Variants in BAZ2B observed in about 807,000 individuals in gnomAD.
BAZ2B encodes bromodomain adjacent to zinc finger domain 2B.
In BAZ2B, 91 loss-of-function variants were observed where a neutral mutation model predicts 246.0. The observed-to-expected ratio is 0.37, with a 90% CI of 0.31 to 0.44. The LOEUF (loss-of-function observed/expected upper bound fraction) is 0.44. BAZ2B is among the 20% of genes least tolerant of loss of function. The pLI is 1.00. For missense variants in BAZ2B, 2,332 were observed against 2,533.7 expected (o/e 0.92, Z 1.71); for synonymous variants, 855 against 860.0 (o/e 0.99, Z 0.10).
chr2:159,641,317 T>G, the BAZ2B span, among the ~76,000 whole-genome samples: 1 of 152,330 alleles, frequency 6.6e-6, no homozygotes, highest in East Asian at 1.9e-4. Context: ...TAATTATCTG[T>G]GATGTTAAGC....
chr2:159,448,437 A>G (rs761708871), intron 4 of BAZ2B, 28 bp from the exon 5 acceptor site: 1 of 1,517,916 alleles, frequency 6.6e-7, no homozygotes. Context: ...CAACCAAACA[A>G]AAATATATAA....
chr2:159,462,506 A>G (rs2076530649), intron 3 of BAZ2B: 3 of 990,546 alleles, frequency 3.0e-6, no homozygotes, highest in South Asian at 1.3e-5. Context: ...GGTATCTGAC[A>G]TTGTTTGACA....
Position 159,325,815 on chromosome 2 carries a change from T to A in BAZ2B, c.6047A>T (p.Asp2016Val). Residue 2016 changes from aspartate to valine, a missense_variant, in exon 35 of 37, where the codon GAT becomes GTT. This residue lies in a region of BAZ2B where 210 missense variants were observed against 232.5 expected (regional missense o/e 0.90). Coordinates refer to ENST00000392783, the MANE Select transcript of BAZ2B (RefSeq NM_013450.4). The stretch of plus-strand genomic sequence containing the variant: ...ACTACTTGTAGATGCAGAGTCTTCA[T>A]CTTCAGTATCTCCTGTTAAAGTTAC... The part of the protein sequence containing the change: ...KKVTLTGDTE[D>V]EDSASTSSSL... 1 of 1,610,242 alleles carries A rather than the reference T, an allele frequency of 6.2e-7. No homozygotes were observed.
intron 14 of BAZ2B, among the ~76,000 whole-genome samples, chr2:159,407,532 G>A (rs1328771845): frequency 6.6e-6 from 1 of 152,122 alleles, no homozygotes; most frequent in East Asian, 1.9e-4. Flanking sequence ...AAATCTTTAA[G>A]CAAAGTTTAA....
chr2:159,660,425 T>C, the BAZ2B span, among the ~76,000 whole-genome samples: 1 of 152,214 alleles, frequency 6.6e-6, no homozygotes, highest in Non-Finnish European at 1.5e-5. Context: ...AACATTAATC[T>C]GTGACTTCTT....
chr2:159,389,228 A>T, intron 21 of BAZ2B, 117 bp downstream of exon 21: 2 of 1,080,194 alleles, frequency 1.9e-6, no homozygotes, highest in Non-Finnish European at 2.5e-6. Flanking sequence ...TTGGAAATTC[A>T]CTGCTATAGT....
intron 1 of BAZ2B, among the ~76,000 whole-genome samples, chr2:159,562,363 G>A (rs972310748): frequency 6.6e-6 from 1 of 152,168 alleles, no homozygotes; most frequent in Non-Finnish European, 1.5e-5. Context: ...CTGGCTATTA[G>A]ACTTGGTAAA....
At chr2:159,367,021 C>T (rs781085721) in intron 27 of BAZ2B, among the ~76,000 whole-genome samples, 6 of 152,112 alleles carry the variant, frequency 3.9e-5, no homozygotes, top group Non-Finnish European at 7.3e-5. Flanking sequence ...GCTTAGCCAC[C>T]GAGCTGATGT....
rs201970014 is a variant in BAZ2B, at chr2:159,405,084, A to T, written c.2708T>A (p.Leu903His). Reference sequence around the variant, plus strand: ...TTCCTGCTTTTGAAGTTTTCTCAAAAGCTTTATTTGTGCTGCTTGCCTGGC... The same window carrying T: ...TTCCTGCTTTTGAAGTTTTCTCAAATGCTTTATTTGTGCTGCTTGCCTGGC... Reference protein sequence around the residue: ...EIARQAAQIKLLRKLQKQEQA... With the variant: ...EIARQAAQIKHLRKLQKQEQA... Residue 903 changes from leucine to histidine, a missense_variant, in exon 15 of 37, where the codon CTT becomes CAT. Physicochemically the swap from Leu to His is moderately conservative, Grantham distance 99 (BLOSUM62 -3). This residue lies in a region of BAZ2B where 651 missense variants were observed against 650.9 expected (regional missense o/e 1.00). Coordinates refer to ENST00000392783, the MANE Select transcript of BAZ2B (RefSeq NM_013450.4). 8.6e-5 allele frequency: 139 copies of T among 1,613,992 alleles called. 2 individuals carry two copies. Among genetic ancestry groups the T allele is most frequent in the South Asian group, 4.0e-4 (36 of 91,078 alleles).
At chr2:159,525,026 A>T (rs1578086529) in intron 2 of BAZ2B, among the ~76,000 whole-genome samples, 1 of 152,330 alleles carries the variant, frequency 6.6e-6, no homozygotes, top group South Asian at 2.1e-4. Context: ...TCTCTAAAAT[A>T]AAGATAAATA....
At chr2:159,421,473 C>G (rs919169278) in intron 13 of BAZ2B, among the ~76,000 whole-genome samples, 30 of 152,116 alleles carry the variant, frequency 2.0e-4, no homozygotes, top group African/African-American at 7.2e-4. Flanking sequence ...CTGTGCTGGG[C>G]CTTTTATCCC....
At chr2:159,510,790 C>T (rs1184609473) in intron 2 of BAZ2B, among the ~76,000 whole-genome samples, 1 of 152,114 alleles carries the variant, frequency 6.6e-6, no homozygotes, top group African/African-American at 2.4e-5. Flanking sequence ...GTTCTAGTTC[C>T]TTTTCCTTAA....
At chr2:159,586,599 C>G (rs1270468019) in intron 1 of BAZ2B, among the ~76,000 whole-genome samples, 1 of 151,958 alleles carries the variant, frequency 6.6e-6, no homozygotes, top group East Asian at 1.9e-4. Context: ...TTATCTTGAA[C>G]ATTAAAAGAC....
chr2:159,443,768 G>A (rs1039645880), intron 6 of BAZ2B, among the ~76,000 whole-genome samples: 2 of 148,738 alleles, frequency 1.3e-5, no homozygotes, highest in Admixed American at 6.6e-5. Context: ...GGTAGAAAGA[G>A]GTGCCTCTTT....
Position 159,439,098 on chromosome 2 carries a change from C to G in BAZ2B, c.811G>C (p.Asp271His). 6.2e-7 allele frequency: 1 copy of G among 1,613,912 alleles called. No homozygotes were observed. The highest frequency in any genetic ancestry group is 1.1e-5 in the South Asian group (1 of 91,070). The change falls in exon 7 of 37, where the codon GAT becomes CAT. Residue 271 changes from aspartate (D) to histidine (H), a missense_variant. Coordinates refer to ENST00000392783, the MANE Select transcript of BAZ2B (RefSeq NM_013450.4). ...SSSDSDDLEE[D>H]EEEEDQSIEE... ...ATACTTTGATCTTCTTCTTCTTCAT[C>G]TTCTTCTAGATCATCTGAATCACTG...
chr2:159,644,673 T>C, the BAZ2B span, among the ~76,000 whole-genome samples: 164 of 152,356 alleles, frequency 1.1e-3, no homozygotes, highest in South Asian at 0.019. Flanking sequence ...TGTCTTTCTC[T>C]GTCCTCAGTT....
the BAZ2B span, among the ~76,000 whole-genome samples, chr2:159,652,521 T>C: frequency 0.019 from 2,859 of 152,210 alleles, 25 homozygotes; most frequent in Non-Finnish European, 0.031. Flanking sequence ...CTGTCTATCA[T>C]TTTGATTACA....
the BAZ2B span, among the ~76,000 whole-genome samples, chr2:159,678,329 T>C: frequency 9.8e-5 from 15 of 152,326 alleles, no homozygotes; most frequent in African/African-American, 3.1e-4. Context: ...ATCAACAACA[T>C]AGATATTTTA....
At chr2:159,472,651 T>G (rs757331586) in intron 3 of BAZ2B, among the ~76,000 whole-genome samples, 2 of 152,236 alleles carry the variant, frequency 1.3e-5, no homozygotes, top group African/African-American at 4.8e-5. Context: ...TATTTGGAGA[T>G]AGGTTCCATC....
Sources: allele counts gnomAD v4.1 joint callset (sites outside exome capture counted in the v4.1 genomes callset), GRCh38; gene constraint gnomAD v4.1.1; regional missense constraint gnomAD v4.1.1; transcripts MANE v1.5; gene names NCBI Gene and HGNC (gene_info 2026-07-23, HGNC 2026-07-21).